The following HELLS variants were observed in gnomAD, a reference collection of about 807,000 sequenced individuals.
HELLS encodes helicase, lymphoid specific, also known as lymphoid-specific helicase.
HELLS carries 32 observed loss-of-function variants against 120.0 expected under a neutral mutation model. The observed-to-expected ratio is 0.27, with a 90% CI of 0.20 to 0.36. The LOEUF (loss-of-function observed/expected upper bound fraction) is 0.36. Among genes scored for constraint, HELLS ranks in the 10% least tolerant of loss-of-function variants. HELLS has a pLI of 1.00. For missense variants in HELLS, 650 were observed against 993.4 expected, an observed-to-expected ratio of 0.65 and a Z score of 4.65; for synonymous variants, 341 against 323.4, an observed-to-expected ratio of 1.05 and a Z score of -0.58.
At chr10:94,611,326 G>C (rs1018897453) in exon 10 of HELLS, 3 of 152,134 alleles carry the variant, frequency 2.0e-5, no homozygotes, top group Non-Finnish European at 4.4e-5. Context: ...CAAGGACATG[G>C]TAAGTGAAAG....
At chr10:94,603,263 C>T (rs1031181740), downstream of HELLS, among the ~76,000 whole-genome samples, 4 of 152,312 alleles carry the variant, frequency 2.6e-5, no homozygotes, top group South Asian at 4.1e-4. Context: ...TGAACCCATT[C>T]CAATCAGATA....
intron 9 of HELLS, among the ~76,000 whole-genome samples, chr10:94,609,011 CTTTTTTTTTTTTTTTTT>C (rs71031590): frequency 2.9e-5 from 2 of 68,200 alleles, no homozygotes; most frequent in Admixed American, 1.9e-4. Flanking sequence ...GTATCCACCT[CTTTTTTTTTTTTTTTTT>C]TTTTTTTTTT....
intron 11 of HELLS, 62 bp from the exon 12 acceptor site, chr10:94,582,901 A>G: frequency 1.2e-6 from 1 of 868,442 alleles, no homozygotes; most frequent in Non-Finnish European, 1.8e-6. Flanking sequence ...ATGATAAATC[A>G]TGTATCATGT....
rs955932744 is a variant in HELLS at position 94,550,162 on chromosome 10, C to T, written c.153+3664C>T. ...CTCGAACTCCCAACCTCAGGTGATC[C>T]GCCCGTCTTGACCTCCTAAAGTGCT... On this transcript the variant is annotated intron_variant, in intron 2 of 21. Coordinates refer to ENST00000348459, the MANE Select transcript of HELLS (RefSeq NM_018063.5). Among the ~76,000 whole-genome samples, 45 of 152,236 alleles carry T rather than the reference C, an allele frequency of 3.0e-4. 1 individual carries two copies. Among genetic ancestry groups the T allele is most frequent in the Admixed American group, 1.1e-3 (17 of 15,296 alleles).
chr10:94,574,465 TG>T lies in HELLS; in HGVS notation c.706-88del. On this transcript the variant is annotated intron_variant, in intron 8 of 21. Coordinates refer to ENST00000348459, the MANE Select transcript of HELLS (RefSeq NM_018063.5). ...CTTTAACATAATTCTCATCTTTGGG[TG>T]TGATTTTTTAAAGAGAAGAAATAAA... 7 of 978,976 alleles carry T rather than the reference TG, an allele frequency of 7.2e-6. No homozygotes were observed. In the South Asian group the frequency reaches 1.1e-4, roughly 15 times the overall value. The allele number at this position is 978,976 out of a possible 1,614,324, so 60.6% of individuals were successfully genotyped here. A position where few individuals can be genotyped will look rare whatever the true frequency, so the allele number is the denominator to read the frequency against.
intron 13 of HELLS, among the ~76,000 whole-genome samples, 189 bp from the exon 14 acceptor site, chr10:94,590,224 A>G (rs901448247): frequency 2.6e-5 from 4 of 152,162 alleles, no homozygotes; most frequent in Non-Finnish European, 4.4e-5. Flanking sequence ...TTACCTATTG[A>G]GATATGAAGG....
chr10:94,574,650 A>C lies in HELLS; in HGVS notation c.802A>C (p.Arg268=), dbSNP rs750145958. ...TGCTACTATTGCATTGATGATTCAG[A>C]GAGGAGTACCAGGACCTTTTCTTGT... The part of the protein sequence containing the change: ...CIATIALMIQ[R]GVPGPFLVCG... The change falls in exon 9 of 22, where the codon AGA becomes CGA. Residue 268 remains arginine, a synonymous_variant. Transcript: ENST00000348459. The C allele has an allele frequency of 9.3e-6, 15 of 1,613,636 alleles. No individual in the cohort carries two copies. Among genetic ancestry groups the C allele is most frequent in the Non-Finnish European group, 1.3e-5 (15 of 1,179,676 alleles).
intron 6 of HELLS, chr10:94,570,404 T>A (rs1844081750): frequency 6.6e-6 from 1 of 152,194 alleles, no homozygotes; most frequent in Non-Finnish European, 1.5e-5. Context: ...CTCAGCCTTA[T>A]AATATGAATA....
chr10:94,604,822 GT>G (rs1289020078), downstream of HELLS, among the ~76,000 whole-genome samples: 1 of 151,406 alleles, frequency 6.6e-6, no homozygotes, highest in Non-Finnish European at 1.5e-5. Flanking sequence ...ATACTTAACT[GT>G]TTTTTACCTA....
chr10:94,559,725 A>G (rs1197032544), intron 4 of HELLS, among the ~76,000 whole-genome samples: 3 of 151,862 alleles, frequency 2.0e-5, no homozygotes, highest in Non-Finnish European at 4.4e-5. Flanking sequence ...ATTACAGGCG[A>G]GAGCCACTGC....
chr10:94,590,852 G>A, intron 15 of HELLS, 76 bp downstream of exon 15: 4 of 789,136 alleles, frequency 5.1e-6, no homozygotes, highest in Non-Finnish European at 7.6e-6. Flanking sequence ...TACTTTTTTT[G>A]ATTATAATTA....
intron 10 of HELLS, among the ~76,000 whole-genome samples, chr10:94,578,096 A>G (rs1844609503): frequency 1.4e-5 from 2 of 143,822 alleles, no homozygotes; most frequent in South Asian, 4.5e-4. Flanking sequence ...AAAAAAAAAA[A>G]ATACAAAAAT....
Position 94,601,741 on chromosome 10 carries a change from T to C in HELLS, c.*119T>C. On this transcript the variant is annotated 3_prime_UTR_variant, in exon 22 of 22. Coordinates refer to ENST00000348459, the MANE Select transcript of HELLS (RefSeq NM_018063.5). The stretch of plus-strand genomic sequence containing the variant: ...TTTATTATATCAGTTGACATGTAAC[T>C]AGTACCATGCGTACTTAAATAGATG... 1 of 562,254 alleles carries C rather than the reference T, an allele frequency of 1.8e-6. No homozygotes were observed. Among genetic ancestry groups the C allele is most frequent in the Non-Finnish European group, 3.2e-6 (1 of 315,002 alleles). 34.8% of individuals were successfully genotyped at this position (562,254 alleles called of 1,614,324 possible). A position where few individuals can be genotyped will look rare whatever the true frequency, so the allele number is the denominator to read the frequency against.
At chr10:94,568,755 G>A (rs1295755230) in intron 6 of HELLS, among the ~76,000 whole-genome samples, 2 of 151,978 alleles carry the variant, frequency 1.3e-5, no homozygotes, top group Non-Finnish European at 2.9e-5. Context: ...TAACATTTTG[G>A]TATATGTATG....
rs1187562117 is a variant in HELLS, at chr10:94,601,521, C to G, written c.2423-7C>G. ...AAAATGTACCTGTTTTAATGTTTTTCCCTTAGATCAAATGAATGCTTCAGG... is the reference window on the plus strand; with the variant it reads ...AAAATGTACCTGTTTTAATGTTTTTGCCTTAGATCAAATGAATGCTTCAGG... On this transcript the variant is annotated splice_region_variant and splice_polypyrimidine_tract_variant and intron_variant, in intron 21 of 21. Transcript: ENST00000348459. The G allele has an allele frequency of 7.1e-7, 1 of 1,400,866 alleles. No homozygotes were observed. Among genetic ancestry groups the G allele is most frequent in the Admixed American group, 1.8e-5 (1 of 54,460 alleles). The allele number at this position is 1,400,866 out of a possible 1,614,324, so 86.8% of individuals were successfully genotyped here.
intron 12 of HELLS, among the ~76,000 whole-genome samples, chr10:94,587,308 A>G (rs895018289): frequency 6.6e-5 from 10 of 152,276 alleles, no homozygotes; most frequent in African/African-American, 2.2e-4. Context: ...TTTATGAGGT[A>G]TATGTTTTGA....
chr10:94,605,113 A>G (rs1846115410), downstream of HELLS, among the ~76,000 whole-genome samples: 1 of 103,642 alleles, frequency 9.6e-6, no homozygotes, highest in Non-Finnish European at 1.8e-5. Context: ...ACAGAGTTTC[A>G]CTCTTGTTGC....
At chr10:94,550,524 C>T (rs1842933112) in intron 2 of HELLS, among the ~76,000 whole-genome samples, 1 of 152,054 alleles carries the variant, frequency 6.6e-6, no homozygotes. Flanking sequence ...TCGTGATCTG[C>T]CTTCCTCGAC....
chr10:94,553,978 T>G (rs1274924043), intron 2 of HELLS, 148 bp from the exon 3 acceptor site: 1 of 654,368 alleles, frequency 1.5e-6, no homozygotes, highest in East Asian at 3.3e-5. Context: ...AAACTATTTT[T>G]TTTTTAACAG....
Sources: allele counts gnomAD v4.1 joint callset (sites outside exome capture counted in the v4.1 genomes callset), GRCh38; gene constraint gnomAD v4.1.1; transcripts MANE v1.5; gene names NCBI Gene and HGNC (gene_info 2026-07-23, HGNC 2026-07-21).